The following POPDC1 variants were observed in gnomAD, a reference collection of about 807,000 sequenced individuals.
POPDC1 encodes popeye domain-containing protein 1.
chr6:105,115,541 A>T, the POPDC1 span: 1 of 1,051,492 alleles, frequency 9.5e-7, no homozygotes. Context: ...ATGCTAAACA[A>T]AATTTGATTG....
the POPDC1 span, among the ~76,000 whole-genome samples, chr6:105,123,413 T>TA: frequency 4.8e-4 from 73 of 152,150 alleles, no homozygotes; most frequent in African/African-American, 1.7e-3. Flanking sequence ...TTGTTTGTTT[T>TA]TTTTTGAGAC....
the POPDC1 span, among the ~76,000 whole-genome samples, chr6:105,128,040 G>T: frequency 6.6e-6 from 1 of 152,234 alleles, no homozygotes; most frequent in Non-Finnish European, 1.5e-5. Context: ...GATTACAGGC[G>T]TGAGCCACTG....
At chr6:105,130,839 A>C in the POPDC1 span, among the ~76,000 whole-genome samples, 1 of 152,228 alleles carries the variant, frequency 6.6e-6, no homozygotes, top group Admixed American at 6.5e-5. Flanking sequence ...TATACGATGC[A>C]TAACTGTATT....
chr6:105,107,827 A>ATGGCTT, the POPDC1 span, among the ~76,000 whole-genome samples: 6 of 152,164 alleles, frequency 3.9e-5, no homozygotes, highest in Non-Finnish European at 8.8e-5. Context: ...CCTGGAAAGA[A>ATGGCTT]TTCTTTTCCT....
the POPDC1 span, among the ~76,000 whole-genome samples, chr6:105,130,258 C>A: frequency 1.3e-5 from 2 of 152,090 alleles, no homozygotes; most frequent in African/African-American, 4.8e-5. Context: ...TTTCATTAAA[C>A]TCTTTGCCAG....
At chr6:105,108,834 T>C in the POPDC1 span, among the ~76,000 whole-genome samples, 1 of 152,218 alleles carries the variant, frequency 6.6e-6, no homozygotes, top group African/African-American at 2.4e-5. Context: ...AAACAATTCA[T>C]AGACAAAGGC....
At chr6:105,103,195 C>T in the POPDC1 span, among the ~76,000 whole-genome samples, 1 of 152,106 alleles carries the variant, frequency 6.6e-6, no homozygotes, top group African/African-American at 2.4e-5. Context: ...AAGAACAGCA[C>T]CTATTTCATA....
chr6:105,127,908 C>T, the POPDC1 span, among the ~76,000 whole-genome samples: 184 of 152,188 alleles, frequency 1.2e-3, 6 homozygotes, highest in South Asian at 0.034. Context: ...TACAGGTGTG[C>T]ACTACCATGC....
chr6:105,129,146 T>C, the POPDC1 span, among the ~76,000 whole-genome samples: 2 of 152,342 alleles, frequency 1.3e-5, no homozygotes, highest in East Asian at 3.9e-4. Context: ...ATATTATTCA[T>C]GTTCTCTCAT....
At chr6:105,118,755 A>G in the POPDC1 span, among the ~76,000 whole-genome samples, 1,701 of 152,298 alleles carry the variant, frequency 0.011, 13 homozygotes, top group Middle Eastern at 0.044. Context: ...TTTCATATCT[A>G]TCATGTAAGT....
At chr6:105,129,873 T>C in the POPDC1 span, among the ~76,000 whole-genome samples, 2 of 152,198 alleles carry the variant, frequency 1.3e-5, no homozygotes, top group African/African-American at 4.8e-5. Context: ...GTATTTTCCA[T>C]TTAATATTAT....
chr6:105,121,358 C>T, the POPDC1 span, among the ~76,000 whole-genome samples: 3 of 150,568 alleles, frequency 2.0e-5, no homozygotes, highest in Admixed American at 6.6e-5. Context: ...CTCCGCCTCC[C>T]GAGTTCAAGT....
At chr6:105,125,481 C>T in the POPDC1 span, 2 of 1,614,128 alleles carry the variant, frequency 1.2e-6, no homozygotes, top group Non-Finnish European at 1.7e-6. Flanking sequence ...TTGGATCATG[C>T]AAAACTGTCC....
the POPDC1 span, chr6:105,133,376 A>G: frequency 3.7e-6 from 6 of 1,613,340 alleles, no homozygotes; most frequent in African/African-American, 8.0e-5. Flanking sequence ...CCCCTAAGAA[A>G]TATCATATGA....
At chr6:105,108,842 G>A in the POPDC1 span, among the ~76,000 whole-genome samples, 1 of 152,218 alleles carries the variant, frequency 6.6e-6, no homozygotes, top group Admixed American at 6.5e-5. Context: ...CATAGACAAA[G>A]GCTAATTGCA....
chr6:105,098,311 A>ATGGGAGGCTT, the POPDC1 span: 1 of 152,206 alleles, frequency 6.6e-6, no homozygotes. Flanking sequence ...TCAAGTCTAT[A>ATGGGAGGCTT]TGGGAGGCTT....
At chr6:105,129,103 T>A in the POPDC1 span, among the ~76,000 whole-genome samples, 2 of 152,190 alleles carry the variant, frequency 1.3e-5, no homozygotes, top group African/African-American at 4.8e-5. Flanking sequence ...AATATCAATA[T>A]AAAAAATCAA....
At chr6:105,114,847 T>C in the POPDC1 span, among the ~76,000 whole-genome samples, 1 of 152,224 alleles carries the variant, frequency 6.6e-6, no homozygotes, top group Non-Finnish European at 1.5e-5. Context: ...AGTGATCTCC[T>C]TCATCTTTGG....
chr6:105,100,307 A>G, the POPDC1 span: 1 of 152,018 alleles, frequency 6.6e-6, no homozygotes, highest in East Asian at 1.9e-4. Flanking sequence ...CAGGAGATCG[A>G]GACCATCCTG....
Sources: gnomAD v4.1 joint callset for allele counts (sites outside exome capture counted in the v4.1 genomes callset) on GRCh38, gnomAD v4.1.1 for gene constraint, MANE v1.5 for transcripts, NCBI Gene and HGNC (gene_info 2026-07-23, HGNC 2026-07-21) for gene names.